CSMD3: variants seen among roughly 807,000 people sequenced by gnomAD.
CSMD3 encodes CUB and sushi domain-containing protein 3.
In CSMD3, 177 loss-of-function variants were observed where a neutral mutation model predicts 435.2. The ratio of observed to expected loss-of-function variants is 0.41; its 90% CI spans 0.36 to 0.46. The LOEUF is 0.46. Among genes scored for constraint, CSMD3 ranks in the 20% least tolerant of loss-of-function variants. CSMD3 has a pLI of 0.34. For synonymous variants in CSMD3, 1,656 were observed against 1,520.5 expected (o/e 1.09, Z -2.07); for missense variants, 4,265 against 4,504.6 (o/e 0.95, Z 1.52).
At chr8:112,708,290 G>A (rs1051999169) in intron 13 of CSMD3, among the ~76,000 whole-genome samples, 20 of 152,054 alleles carry the variant, frequency 1.3e-4, no homozygotes, top group Non-Finnish European at 2.1e-4. Flanking sequence ...CAAGATATAA[G>A]TGGAAAAGTA....
intron 6 of CSMD3, among the ~76,000 whole-genome samples, chr8:112,993,926 T>C (rs1225298096): frequency 6.6e-6 from 1 of 151,736 alleles, no homozygotes; most frequent in Non-Finnish European, 1.5e-5. Context: ...GTCAGCTGTA[T>C]CAATTAACTT....
At chr8:112,697,961 G>A (rs532719651) in intron 13 of CSMD3, among the ~76,000 whole-genome samples, 1 of 152,208 alleles carries the variant, frequency 6.6e-6, no homozygotes, top group East Asian at 1.9e-4. Context: ...GGCAGTATCA[G>A]AAAAGGTATA....
At chr8:112,698,749 G>A (rs148570258) in intron 13 of CSMD3, among the ~76,000 whole-genome samples, 1 of 152,234 alleles carries the variant, frequency 6.6e-6, no homozygotes, top group Non-Finnish European at 1.5e-5. Context: ...ATAAATAAAT[G>A]GGACAGAAGG....
intron 5 of CSMD3, among the ~76,000 whole-genome samples, chr8:113,091,117 T>G (rs2089988196): frequency 6.6e-6 from 1 of 151,936 alleles, no homozygotes; most frequent in African/African-American, 2.4e-5. Flanking sequence ...GGTTAATAAA[T>G]TACAGAAAAA....
chr8:113,328,991 C>T (rs1420265191), intron 1 of CSMD3, among the ~76,000 whole-genome samples: 1 of 151,448 alleles, frequency 6.6e-6, no homozygotes, highest in African/African-American at 2.4e-5. Context: ...ATCCGTCCAC[C>T]TCAGCCTCCC....
intron 35 of CSMD3, among the ~76,000 whole-genome samples, chr8:112,397,839 T>C (rs1159614062): frequency 6.6e-6 from 1 of 152,180 alleles, no homozygotes; most frequent in African/African-American, 2.4e-5. Context: ...AAAATTAATG[T>C]CCTCACATGC....
intron 13 of CSMD3, among the ~76,000 whole-genome samples, chr8:112,776,175 C>A (rs1174028139): frequency 6.6e-6 from 1 of 151,746 alleles, no homozygotes; most frequent in African/African-American, 2.4e-5. Context: ...AACATAACAG[C>A]CGTATCACCT....
intron 27 of CSMD3, among the ~76,000 whole-genome samples, chr8:112,537,401 G>GA (rs148925831): frequency 3.3e-5 from 5 of 150,542 alleles, no homozygotes; most frequent in Admixed American, 6.6e-5. Flanking sequence ...ATCAGAACAG[G>GA]AAAAAAAATT....
intron 4 of CSMD3, 25 bp downstream of exon 4, chr8:113,173,697 C>T (rs1564391832): frequency 1.3e-6 from 2 of 1,554,300 alleles, no homozygotes; most frequent in Non-Finnish European, 1.8e-6. Flanking sequence ...TAACAACTCT[C>T]ATTTTTAAAG....
In CSMD3 at chr8:112,591,742, AAAT is replaced by A. The variant is rs534928937; in HGVS notation, c.3716-4510_3716-4508del. Among the ~76,000 whole-genome samples the A allele has an allele frequency of 5.1e-4, 78 of 152,182 alleles. 2 individuals carry two copies. The highest frequency in any genetic ancestry group is 4.8e-3 in the Admixed American group (73 of 15,294). On this transcript the variant is annotated intron_variant, in intron 22 of 70. Transcript: ENST00000297405. The stretch of plus-strand genomic sequence containing the variant: ...ATATGTTTAATTATTACCAGAAGAA[AAAT>A]AATAATACATGATTTTGCTCATAGA...
In CSMD3 at chr8:113,210,669, G is replaced by A. The variant is rs144268894; in HGVS notation, c.515-36753C>T. Among the ~76,000 whole-genome samples the A allele has an allele frequency of 3.0e-3, 461 of 152,074 alleles. 2 individuals carry two copies. The highest frequency in any genetic ancestry group is 9.4e-3 in the African/African-American group (390 of 41,478). Reference sequence around the variant, plus strand: ...GAGGTGGGCCGGTCACCTGAGGTCAGGAGTTCGAGACCAGCCTGGCCAACA... The same window carrying A: ...GAGGTGGGCCGGTCACCTGAGGTCAAGAGTTCGAGACCAGCCTGGCCAACA... On this transcript the variant is annotated intron_variant, in intron 3 of 70. Coordinates refer to ENST00000297405, the MANE Select transcript of CSMD3 (RefSeq NM_198123.2).
At chr8:113,045,967 C>G (rs1354824467) in intron 5 of CSMD3, among the ~76,000 whole-genome samples, 1 of 149,296 alleles carries the variant, frequency 6.7e-6, no homozygotes, top group Admixed American at 6.7e-5. Context: ...TGTAAACGAC[C>G]CTTTTTACTT....
At chr8:113,375,399 T>A (rs907418609) in intron 1 of CSMD3, among the ~76,000 whole-genome samples, 2 of 151,940 alleles carry the variant, frequency 1.3e-5, no homozygotes, top group African/African-American at 4.8e-5. Flanking sequence ...TCGCTTTGAG[T>A]TTAGACTATA....
intron 13 of CSMD3, among the ~76,000 whole-genome samples, chr8:112,782,857 A>T (rs1419087378): frequency 6.6e-6 from 1 of 152,118 alleles, no homozygotes; most frequent in Non-Finnish European, 1.5e-5. Context: ...TAACCTTCAA[A>T]CATGAAGGAG....
intron 27 of CSMD3, among the ~76,000 whole-genome samples, chr8:112,525,125 A>C (rs1311204197): frequency 6.6e-6 from 1 of 151,834 alleles, no homozygotes; most frequent in African/African-American, 2.4e-5. Flanking sequence ...GAAATGAAGA[A>C]AAATTTCAAT....
intron 24 of CSMD3, among the ~76,000 whole-genome samples, chr8:112,563,569 A>T (rs1266747366): frequency 1.3e-5 from 2 of 151,984 alleles, no homozygotes; most frequent in Admixed American, 6.6e-5. Flanking sequence ...TTTGTACCAC[A>T]TTCTAGGTTG....
intron 29 of CSMD3, among the ~76,000 whole-genome samples, chr8:112,505,181 G>A (rs899539956): frequency 2.6e-5 from 4 of 152,096 alleles, no homozygotes; most frequent in African/African-American, 9.6e-5. Flanking sequence ...TTATATATGG[G>A]CCCCTCTAAC....
chr8:112,887,538 G>A (rs1372233303), intron 10 of CSMD3, among the ~76,000 whole-genome samples: 1 of 151,002 alleles, frequency 6.6e-6, no homozygotes, highest in African/African-American at 2.4e-5. Flanking sequence ...TTATTAACAT[G>A]TCATTTTTAC....
At chr8:112,469,840 T>A (rs938903408) in intron 32 of CSMD3, among the ~76,000 whole-genome samples, 3 of 152,020 alleles carry the variant, frequency 2.0e-5, no homozygotes, top group East Asian at 3.9e-4. Context: ...CATCTGTATA[T>A]GAAACATATA....
Sources: gnomAD v4.1 joint callset for allele counts (sites outside exome capture counted in the v4.1 genomes callset) on GRCh38, gnomAD v4.1.1 for gene constraint, MANE v1.5 for transcripts, NCBI Gene and HGNC (gene_info 2026-07-23, HGNC 2026-07-21) for gene names.